DNAH7: variants seen among roughly 807,000 people sequenced by gnomAD.
DNAH7 encodes dynein axonemal heavy chain 7.
In DNAH7, 397 loss-of-function variants were observed where a neutral mutation model predicts 444.6. The observed-to-expected ratio is 0.89, with a 90% CI of 0.82 to 0.97. The LOEUF is 0.97. Ranked by LOEUF, DNAH7 falls within the 50% of genes least tolerant of loss-of-function variation. The probability of loss-of-function intolerance (pLI) is 0.00; values close to 1 mark genes in which losing one functional copy is unlikely to be tolerated. For synonymous variants in DNAH7, 1,636 were observed against 1,624.4 expected (o/e 1.01, Z -0.17); for missense variants, 4,902 against 4,800.8 (o/e 1.02, Z -0.62).
intron 35 of DNAH7, 35 bp downstream of exon 35, chr2:195,884,548 AGG>A: frequency 6.6e-7 from 1 of 1,523,430 alleles, no homozygotes; most frequent in Non-Finnish European, 9.1e-7. Context: ...GGACTCTGCC[AGG>A]CTGGCAGCTG....
chr2:195,957,152 A>C, intron 19 of DNAH7, 109 bp downstream of exon 19: 2 of 936,848 alleles, frequency 2.1e-6, no homozygotes, highest in South Asian at 3.1e-5. Flanking sequence ...TGTATGTATG[A>C]AACAGATAAT....
chr2:195,899,542 A>G (rs769013368), intron 28 of DNAH7, among the ~76,000 whole-genome samples: 4 of 152,208 alleles, frequency 2.6e-5, no homozygotes, highest in Non-Finnish European at 5.9e-5. Flanking sequence ...GTGAAATAGA[A>G]TATCACCACT....
chr2:195,873,838 C>A (rs745430824), intron 38 of DNAH7, 144 bp from the exon 39 acceptor site: 3 of 517,970 alleles, frequency 5.8e-6, no homozygotes, highest in Non-Finnish European at 9.1e-6. Flanking sequence ...TTTGGATAAC[C>A]CTGACATCAA....
chr2:196,048,795 T>C (rs1697289343), intron 3 of DNAH7, among the ~76,000 whole-genome samples: 1 of 152,220 alleles, frequency 6.6e-6, no homozygotes, highest in African/African-American at 2.4e-5. Context: ...CCACCCTAGA[T>C]TGCTCTGACA....
chr2:195,844,671 T>C (rs1698879283), intron 47 of DNAH7, among the ~76,000 whole-genome samples: 1 of 152,212 alleles, frequency 6.6e-6, no homozygotes, highest in Non-Finnish European at 1.5e-5. Flanking sequence ...TAATGCACAT[T>C]TCATTAACCT....
At chr2:195,901,240 T>A (rs1287465734) in intron 27 of DNAH7, 1 of 152,142 alleles carries the variant, frequency 6.6e-6, no homozygotes, top group Non-Finnish European at 1.5e-5. Context: ...GATGTATATG[T>A]ATATCAAAAC....
At chr2:195,879,877 T>C (rs1338304144) in intron 36 of DNAH7, among the ~76,000 whole-genome samples, 1 of 152,132 alleles carries the variant, frequency 6.6e-6, no homozygotes, top group Non-Finnish European at 1.5e-5. Flanking sequence ...CTAAGTAAAT[T>C]GTATGAAATT....
At chr2:195,856,647 C>T (rs767314905) in intron 44 of DNAH7, among the ~76,000 whole-genome samples, 4 of 152,046 alleles carry the variant, frequency 2.6e-5, no homozygotes, top group Admixed American at 6.5e-5. Flanking sequence ...CCCTGTTTTG[C>T]GTATGATATA....
At chr2:195,988,746 T>C (rs940388675) in intron 12 of DNAH7, among the ~76,000 whole-genome samples, 2 of 152,108 alleles carry the variant, frequency 1.3e-5, no homozygotes, top group African/African-American at 2.4e-5. Context: ...TTGTTAACTA[T>C]AGTCACCCTA....
At chr2:195,941,279 C>A (rs956529157) in intron 19 of DNAH7, among the ~76,000 whole-genome samples, 1 of 151,812 alleles carries the variant, frequency 6.6e-6, no homozygotes, top group African/African-American at 2.4e-5. Flanking sequence ...GAACAGAAAA[C>A]CAAACACTGC....
intron 2 of DNAH7, among the ~76,000 whole-genome samples, chr2:196,055,695 TGGCTCTGG>T (rs1478964950): frequency 6.6e-6 from 1 of 152,194 alleles, no homozygotes; most frequent in Non-Finnish European, 1.5e-5. Flanking sequence ...CAGAGAGGAA[TGGCTCTGG>T]GATGTCTAGT....
At chr2:195,747,204 G>A (rs1256583234) in intron 63 of DNAH7, among the ~76,000 whole-genome samples, 4 of 152,030 alleles carry the variant, frequency 2.6e-5, no homozygotes, top group African/African-American at 9.7e-5. Flanking sequence ...ACTACCATCA[G>A]AGAATACTAC....
At chr2:195,972,148 G>C (rs1475060239) in intron 16 of DNAH7, 94 bp downstream of exon 16, 2 of 970,900 alleles carry the variant, frequency 2.1e-6, no homozygotes, top group Admixed American at 5.1e-5. Context: ...AGCTAAAAAA[G>C]TATGCACTCA....
intron 33 of DNAH7, 124 bp from the exon 34 acceptor site, chr2:195,886,396 C>T (rs1701714177): frequency 3.7e-6 from 3 of 820,134 alleles, no homozygotes; most frequent in Non-Finnish European, 5.6e-6. Context: ...ATTCATACTA[C>T]CTACGAGTAG....
At chr2:195,861,264 A>G (rs1246671718) in intron 42 of DNAH7, among the ~76,000 whole-genome samples, 1 of 148,534 alleles carries the variant, frequency 6.7e-6, no homozygotes, top group Non-Finnish European at 1.5e-5. Flanking sequence ...CCAGAACATT[A>G]AAAAAACTCA....
chr2:196,006,172 G>T (rs1694363254), intron 10 of DNAH7, among the ~76,000 whole-genome samples: 1 of 151,988 alleles, frequency 6.6e-6, no homozygotes, highest in Admixed American at 6.6e-5. Flanking sequence ...AAATTAGCTG[G>T]GCACATGCCT....
In DNAH7 at chr2:195,769,992, C is replaced by T. The variant is rs1053760176; in HGVS notation, c.11433+1668G>A. On this transcript the variant is annotated intron_variant, in intron 61 of 64. Transcript: ENST00000312428. Reference sequence around the variant, plus strand: ...CCAAAATATAATTCTTGATTTTCTACATCAAATCTGTTCCTTGCCCAGACT... The same window carrying T: ...CCAAAATATAATTCTTGATTTTCTATATCAAATCTGTTCCTTGCCCAGACT... 3.3e-5 allele frequency among the ~76,000 whole-genome samples: 5 copies of T among 152,162 alleles called. 1 individual carries two copies. Among genetic ancestry groups the T allele is most frequent in the African/African-American group, 9.7e-5 (4 of 41,444 alleles).
chr2:196,066,079 T>C (rs779614528), intron 1 of DNAH7, among the ~76,000 whole-genome samples: 4 of 152,236 alleles, frequency 2.6e-5, no homozygotes, highest in Non-Finnish European at 5.9e-5. Flanking sequence ...GTCTGGGTCT[T>C]CCTTAAATAG....
intron 51 of DNAH7, among the ~76,000 whole-genome samples, chr2:195,815,787 G>A (rs891948962): frequency 5.3e-5 from 8 of 152,162 alleles, no homozygotes; most frequent in African/African-American, 1.9e-4. Flanking sequence ...TGGATCATGA[G>A]GTCAGGAGAT....
Sources: gnomAD v4.1 joint callset for allele counts (sites outside exome capture counted in the v4.1 genomes callset) on GRCh38, gnomAD v4.1.1 for gene constraint, MANE v1.5 for transcripts, NCBI Gene and HGNC (gene_info 2026-07-23, HGNC 2026-07-21) for gene names.